Variants in PCDHGA7 observed in about 807,000 individuals in gnomAD.
PCDHGA7 encodes protocadherin gamma subfamily A, 7, also known as protocadherin gamma-A7.
A neutral mutation model predicts 58.3 loss-of-function variants in PCDHGA7; 44 were observed. That is an observed-to-expected ratio of 0.75 (90% CI 0.59 to 0.97). The LOEUF (loss-of-function observed/expected upper bound fraction) is 0.97, where lower values mean the gene tolerates loss of function less well. Ranked by LOEUF, PCDHGA7 falls within the 50% of genes least tolerant of loss-of-function variation. The pLI, the probability that PCDHGA7 is intolerant of heterozygous loss-of-function variation, is 0.00. For synonymous variants in PCDHGA7, 516 were observed against 504.2 expected (o/e 1.02, Z -0.31); for missense variants, 1,266 against 1,188.7 (o/e 1.06, Z -0.96).
chr5:141,393,127 A>T (rs766823317), intron 1 of PCDHGA7: 14 of 1,613,320 alleles, frequency 8.7e-6, no homozygotes, highest in Non-Finnish European at 1.2e-5. Flanking sequence ...TGTCTGATAA[A>T]TATTAACACC....
At position 141,476,881 on chromosome 5, in the gene PCDHGA7, G is replaced by A. The variant is rs1458703890; in HGVS notation, c.2425-17926G>A. On this transcript the variant is annotated intron_variant, in intron 1 of 3. Coordinates refer to ENST00000518325, the MANE Select transcript of PCDHGA7 (RefSeq NM_018920.4). The surrounding 1 kb of genome is among the most constrained non-coding windows in gnomAD (Gnocchi z 7.6). The stretch of plus-strand genomic sequence containing the variant: ...CCTTGTACCGGGCGCGCGTCCTGGA[G>A]GATGCACCCTCCGGCACGCGCGTGG... 1.9e-6 allele frequency: 3 copies of A among 1,613,874 alleles called. No homozygotes were observed. Among genetic ancestry groups the A allele is most frequent in the Middle Eastern group, 1.6e-4 (1 of 6,084 alleles).
intron 1 of PCDHGA7, among the ~76,000 whole-genome samples, chr5:141,439,161 C>T (rs1384707803): frequency 6.6e-6 from 1 of 150,850 alleles, no homozygotes; most frequent in Non-Finnish European, 1.5e-5. Flanking sequence ...CCACTGCACT[C>T]CAGCCTGGGC....
At position 141,489,062 on chromosome 5, in the gene PCDHGA7, C is replaced by G. The variant is rs1466124551; in HGVS notation, c.2425-5745C>G. Reference sequence around the variant, plus strand: ...GCTCCACTCAAATTCAGCTCCCCTCCCCCCTGCCCACCCCCGCCACTCGGT... The same window carrying G: ...GCTCCACTCAAATTCAGCTCCCCTCGCCCCTGCCCACCCCCGCCACTCGGT... On this transcript the variant is annotated intron_variant, in intron 1 of 3. Transcript: ENST00000518325. This position sits in a 1 kb window ranked among gnomAD's most constrained non-coding sequence, Gnocchi z 4.5. 5.3e-6 allele frequency: 2 copies of G among 378,914 alleles called. No homozygotes were observed. Among genetic ancestry groups the G allele is most frequent in the Non-Finnish European group, 9.5e-6 (2 of 209,830 alleles). 23.5% of individuals were successfully genotyped at this position (378,914 alleles called of 1,614,324 possible).
chr5:141,511,713 C>T lies in PCDHGA7; in HGVS notation c.*540C>T. 5.4e-6 allele frequency: 1 copy of T among 186,446 alleles called. No individual in the cohort carries two copies. Among genetic ancestry groups the T allele is most frequent in the Admixed American group, 5.3e-5 (1 of 18,840 alleles). The allele number at this position is 186,446 out of a possible 1,614,324, so 11.5% of individuals were successfully genotyped here. ...TTGGTGCCAGCCCCTTCACCTCCTT[C>T]CAGAGCCCAAGATCAATGCTCAAGT... On this transcript the variant is annotated 3_prime_UTR_variant, in exon 4 of 4. Transcript: ENST00000518325.
In PCDHGA7 at chr5:141,485,109, C is replaced by A; in HGVS notation, c.2425-9698C>A. ...AGATAGGTGTCTCCAGCTGCTGTGG[C>A]TGTTTGGGGCGGGTCGGCTTCATCC... On this transcript the variant is annotated intron_variant, in intron 1 of 3. Transcript: ENST00000518325. This position sits in a 1 kb window ranked among gnomAD's most constrained non-coding sequence, Gnocchi z 5.7. The A allele has an allele frequency of 1.6e-6, 2 of 1,230,962 alleles. No individual in the cohort carries two copies. The highest frequency in any genetic ancestry group is 2.4e-6 in the Non-Finnish European group (2 of 850,024). The allele number at this position is 1,230,962 out of a possible 1,614,324, so 76.3% of individuals were successfully genotyped here.
At chr5:141,410,469 T>C in intron 1 of PCDHGA7, 1 of 1,614,026 alleles carries the variant, frequency 6.2e-7, no homozygotes, top group Non-Finnish European at 8.5e-7. Context: ...AATCTGTGCA[T>C]TGCACATACG....
intron 1 of PCDHGA7, chr5:141,422,315 C>T: frequency 6.5e-7 from 1 of 1,547,896 alleles, no homozygotes; most frequent in Non-Finnish European, 8.7e-7. Flanking sequence ...AACTCTCCTC[C>T]AGGTACAGTG....
intron 1 of PCDHGA7, chr5:141,388,297 T>C (rs2091308790): frequency 1.9e-6 from 3 of 1,613,660 alleles, no homozygotes; most frequent in African/African-American, 2.7e-5. Flanking sequence ...CAAAATTCCT[T>C]TGAGCTGCAA....
intron 1 of PCDHGA7, chr5:141,418,426 C>A: frequency 6.2e-7 from 1 of 1,613,948 alleles, no homozygotes; most frequent in South Asian, 1.1e-5. Flanking sequence ...CTGATGGTGG[C>A]AAATATCCAG....
intron 1 of PCDHGA7, chr5:141,430,741 A>T (rs370226249): frequency 6.7e-6 from 10 of 1,498,900 alleles, no homozygotes; most frequent in Non-Finnish European, 8.9e-6. Flanking sequence ...ATTGAAAATA[A>T]TTCTGGAGGA....
intron 1 of PCDHGA7, among the ~76,000 whole-genome samples, chr5:141,436,162 G>A (rs1036923915): frequency 2.6e-5 from 4 of 152,142 alleles, no homozygotes; most frequent in African/African-American, 7.2e-5. Flanking sequence ...TTTATCATAT[G>A]GACAGTTCTC....
At position 141,409,757 on chromosome 5, in the gene PCDHGA7, G is replaced by A; in HGVS notation, c.2424+24434G>A. The A allele has an allele frequency of 6.8e-6, 11 of 1,612,986 alleles. No individual in the cohort carries two copies. The highest frequency in any genetic ancestry group is 9.3e-6 in the Non-Finnish European group (11 of 1,179,838). ...GAGCGGGGTGGTGTTCGCGCAGCGCGCCTTTGATCACGAGCAGCTGCGCGC... is the reference window on the plus strand; with the variant it reads ...GAGCGGGGTGGTGTTCGCGCAGCGCACCTTTGATCACGAGCAGCTGCGCGC... On this transcript the variant is annotated intron_variant, in intron 1 of 3. Coordinates refer to ENST00000518325, the MANE Select transcript of PCDHGA7 (RefSeq NM_018920.4).
intron 1 of PCDHGA7, among the ~76,000 whole-genome samples, chr5:141,437,514 C>G (rs2097891371): frequency 6.6e-6 from 1 of 152,114 alleles, no homozygotes; most frequent in South Asian, 2.1e-4. Flanking sequence ...AATTATAAGG[C>G]TGATGACAAA....
chr5:141,402,872 T>A, intron 1 of PCDHGA7: 1 of 1,455,372 alleles, frequency 6.9e-7, no homozygotes, highest in Non-Finnish European at 9.1e-7. Flanking sequence ...AAGATCACCA[T>A]ACTTTGCAGG....
chr5:141,468,282 G>A (rs1368214716), intron 1 of PCDHGA7, among the ~76,000 whole-genome samples: 1 of 140,012 alleles, frequency 7.1e-6, no homozygotes, highest in African/African-American at 2.7e-5. Context: ...CCGAGACCAC[G>A]CCATTGCACC....
intron 1 of PCDHGA7, chr5:141,391,466 C>T (rs375470029): frequency 2.6e-5 from 4 of 152,276 alleles, no homozygotes; most frequent in East Asian, 3.9e-4. Context: ...CTCATGCCAC[C>T]AGACCTGGCT....
chr5:141,428,426 C>T (rs1040765233), intron 1 of PCDHGA7: 1 of 435,172 alleles, frequency 2.3e-6, no homozygotes, highest in African/African-American at 2.0e-5. Context: ...GGTCTCTGTT[C>T]TAAGACTAGA....
At chr5:141,508,538 G>C (rs1383873129) in intron 3 of PCDHGA7, among the ~76,000 whole-genome samples, 1 of 152,120 alleles carries the variant, frequency 6.6e-6, no homozygotes, top group African/African-American at 2.4e-5. Flanking sequence ...CACCCCCCAC[G>C]AGGTGGGCGG....
Position 141,477,673 on chromosome 5 carries a change from G to A in PCDHGA7, c.2425-17134G>A. The A allele has an allele frequency of 1.2e-6, 2 of 1,614,168 alleles. No individual in the cohort carries two copies. The highest frequency in any genetic ancestry group is 8.5e-7 in the Non-Finnish European group (1 of 1,180,050). ...CAATAAATCGTGACAATGGCATAGT[G>A]TCATCCTTAGTGCCCCTAGACTATG... On this transcript the variant is annotated intron_variant, in intron 1 of 3. Coordinates refer to ENST00000518325, the MANE Select transcript of PCDHGA7 (RefSeq NM_018920.4). This position sits in a 1 kb window ranked among gnomAD's most constrained non-coding sequence, Gnocchi z 4.9.
Sources: gnomAD v4.1 joint callset for allele counts (sites outside exome capture counted in the v4.1 genomes callset) on GRCh38, gnomAD v4.1.1 for gene constraint, Gnocchi (gnomAD v3.1) non-coding constraint, MANE v1.5 for transcripts, NCBI Gene and HGNC (gene_info 2026-07-23, HGNC 2026-07-21) for gene names.